TSHZ2: variants seen among roughly 807,000 people sequenced by gnomAD.
TSHZ2 encodes teashirt homolog 2.
Under a neutral mutation model 74.4 loss-of-function variants are expected in TSHZ2, and 21 were observed. That is an observed-to-expected ratio of 0.28 (90% CI 0.20 to 0.41). TSHZ2 has a LOEUF of 0.41. TSHZ2 is among the 10% of genes least tolerant of loss of function. The pLI is 1.00. For synonymous variants in TSHZ2, 540 were observed against 515.3 expected (o/e 1.05, Z -0.65); for missense variants, 1,244 against 1,293.5 (o/e 0.96, Z 0.59).
chr20:53,021,294 T>A (rs1983236245), intron 1 of TSHZ2, among the ~76,000 whole-genome samples: 1 of 152,106 alleles, frequency 6.6e-6, no homozygotes, highest in Non-Finnish European at 1.5e-5. Flanking sequence ...CCTAGGAACT[T>A]GTTAGAAATT....
intron 1 of TSHZ2, among the ~76,000 whole-genome samples, chr20:53,048,370 T>C (rs182288120): frequency 6.6e-6 from 1 of 152,146 alleles, no homozygotes; most frequent in African/African-American, 2.4e-5. Flanking sequence ...TTCTTCAAAA[T>C]CACGAATAAT....
In TSHZ2 at chr20:53,255,471, G is replaced by A. The variant is rs1262946296; in HGVS notation, c.2013G>A (p.Glu671=). 1.9e-5 allele frequency: 31 copies of A among 1,608,094 alleles called. No individual in the cohort carries two copies. The highest frequency in any genetic ancestry group is 2.5e-5 in the Non-Finnish European group (29 of 1,179,112). Residue 671 remains glutamate (E), a synonymous_variant, in exon 2 of 3, where the codon GAG becomes GAA. Transcript: ENST00000371497. The surrounding 1 kb of genome is among the most constrained non-coding windows in gnomAD (Gnocchi z 4.1). ...AGAAGGAGAAACCCCAGCCCCTGGAGCCCACATCTGCTCTGAGCAATGGGT... is the reference window on the plus strand; with the variant it reads ...AGAAGGAGAAACCCCAGCCCCTGGAACCCACATCTGCTCTGAGCAATGGGT... ...GSEKEKPQPL[E]PTSALSNGCA...
intron 1 of TSHZ2, among the ~76,000 whole-genome samples, chr20:53,162,128 T>C (rs1344878373): frequency 2.0e-5 from 3 of 152,242 alleles, no homozygotes; most frequent in Non-Finnish European, 4.4e-5. Context: ...TTTATTTTTC[T>C]AACCCTTCCA....
In TSHZ2 at chr20:53,253,553, A is replaced by T; in HGVS notation, c.95A>T (p.Glu32Val). The T allele has an allele frequency of 6.2e-7, 1 of 1,613,700 alleles. No homozygotes were observed. The highest frequency in any genetic ancestry group is 8.5e-7 in the Non-Finnish European group (1 of 1,179,786). ...KEEEEIKEEE[E>V]EEDSGSVAQL... Reference sequence around the variant, plus strand: ...GAGGAGGAAATAAAAGAAGAGGAGGAGGAGGAGGACAGCGGTTCAGTAGCT... The same window carrying T: ...GAGGAGGAAATAAAAGAAGAGGAGGTGGAGGAGGACAGCGGTTCAGTAGCT... Residue 32 changes from glutamate to valine, a missense_variant, in exon 2 of 3, where the codon GAG becomes GTG. Physicochemically the swap from Glu to Val is moderately radical, Grantham distance 121. Coordinates refer to ENST00000371497, the MANE Select transcript of TSHZ2 (RefSeq NM_173485.6).
chr20:53,353,304 G>A (rs1353393885), intron 2 of TSHZ2, among the ~76,000 whole-genome samples: 2 of 152,146 alleles, frequency 1.3e-5, no homozygotes, highest in African/African-American at 4.8e-5. Context: ...GAGGAATGAA[G>A]TCTTGGCCCC....
At chr20:53,381,991 G>C (rs994518890) in intron 2 of TSHZ2, among the ~76,000 whole-genome samples, 1 of 152,184 alleles carries the variant, frequency 6.6e-6, no homozygotes, top group African/African-American at 2.4e-5. Flanking sequence ...GTTGCAAAAA[G>C]CTATTCTAAA....
chr20:53,007,798 C>T (rs1360580072), intron 1 of TSHZ2, among the ~76,000 whole-genome samples: 2 of 151,280 alleles, frequency 1.3e-5, no homozygotes, highest in African/African-American at 4.9e-5. Context: ...TGAGTATTTG[C>T]AGAGTGATGT....
At chr20:53,115,634 A>G (rs1258958004) in intron 1 of TSHZ2, among the ~76,000 whole-genome samples, 1 of 152,140 alleles carries the variant, frequency 6.6e-6, no homozygotes, top group African/African-American at 2.4e-5. Flanking sequence ...TAAATAAATG[A>G]CACAGAGCAA....
At chr20:53,476,441 C>T (rs1985994833) in intron 2 of TSHZ2, among the ~76,000 whole-genome samples, 1 of 152,074 alleles carries the variant, frequency 6.6e-6, no homozygotes, top group African/African-American at 2.4e-5. Context: ...CAGAGAAGGC[C>T]TTTGACAAAA....
intron 2 of TSHZ2, among the ~76,000 whole-genome samples, chr20:53,464,341 C>G (rs938505462): frequency 1.3e-5 from 2 of 152,188 alleles, no homozygotes; most frequent in African/African-American, 4.8e-5. Flanking sequence ...AAAGATCTTT[C>G]TGACAACGAG....
chr20:53,417,241 GACAC>G (rs56822266), intron 2 of TSHZ2, among the ~76,000 whole-genome samples: 10,490 of 137,878 alleles, frequency 0.076, 636 homozygotes, highest in African/African-American at 0.16. Flanking sequence ...GACACACACA[GACAC>G]ACACACACAC....
intron 2 of TSHZ2, among the ~76,000 whole-genome samples, chr20:53,391,430 C>T (rs977131240): frequency 4.0e-5 from 6 of 151,024 alleles, no homozygotes; most frequent in African/African-American, 7.3e-5. Flanking sequence ...CAGGTGTGAG[C>T]GACAGCACCA....
chr20:53,193,108 G>A (rs938948441), intron 1 of TSHZ2, among the ~76,000 whole-genome samples: 2 of 149,116 alleles, frequency 1.3e-5, no homozygotes, highest in Non-Finnish European at 1.5e-5. Context: ...TACCTGTGTC[G>A]TCTGTATAGA....
At chr20:52,996,541 C>T (rs1047496205) in intron 1 of TSHZ2, among the ~76,000 whole-genome samples, 5 of 151,994 alleles carry the variant, frequency 3.3e-5, no homozygotes, top group East Asian at 1.9e-4. Flanking sequence ...TATGGGCATT[C>T]GGTTGTTGAG....
chr20:53,280,987 G>A (rs1020399013), intron 2 of TSHZ2, among the ~76,000 whole-genome samples: 4 of 152,148 alleles, frequency 2.6e-5, no homozygotes, highest in South Asian at 4.2e-4. Context: ...CACCACGCCC[G>A]GCCAGTCAGC....
Position 52,972,946 on chromosome 20 carries a change from C to CAAAAAA in TSHZ2, c.-339_-334dup. ...AGAAATCAAGTGTCTCAACAGTCAC[C>CAAAAAA]AAAAAAAAAAAAAACCGCAAAAACA... On this transcript the variant is annotated 5_prime_UTR_variant, in exon 1 of 3. Coordinates refer to ENST00000371497, the MANE Select transcript of TSHZ2 (RefSeq NM_173485.6). 5.7e-6 allele frequency: 1 copy of CAAAAAA among 174,140 alleles called. No individual in the cohort carries two copies. Among genetic ancestry groups the CAAAAAA allele is most frequent in the Non-Finnish European group, 1.0e-5 (1 of 99,534 alleles). The allele number at this position is 174,140 out of a possible 1,614,324, so 10.8% of individuals were successfully genotyped here.
chr20:53,214,432 G>T (rs1366841841), intron 1 of TSHZ2, among the ~76,000 whole-genome samples: 1 of 152,220 alleles, frequency 6.6e-6, no homozygotes, highest in Non-Finnish European at 1.5e-5. Flanking sequence ...AGACAGTGTT[G>T]CGAGGGCTCA....
chr20:53,287,940 GAGA>G (rs1371762000), intron 2 of TSHZ2, among the ~76,000 whole-genome samples: 3 of 151,746 alleles, frequency 2.0e-5, no homozygotes, highest in Admixed American at 1.3e-4. Flanking sequence ...ACATTTATTG[GAGA>G]AGATTAAAGT....
chr20:53,129,600 T>C (rs1035896001), intron 1 of TSHZ2, among the ~76,000 whole-genome samples: 2 of 152,232 alleles, frequency 1.3e-5, no homozygotes, highest in African/African-American at 2.4e-5. Flanking sequence ...CAATTTATCA[T>C]AGACAGTGCT....
Sources: allele counts gnomAD v4.1 joint callset (sites outside exome capture counted in the v4.1 genomes callset), GRCh38; gene constraint gnomAD v4.1.1; non-coding constraint Gnocchi (gnomAD v3.1); transcripts MANE v1.5; gene names NCBI Gene and HGNC (gene_info 2026-07-23, HGNC 2026-07-21).